The following DNAH14 variants were observed in gnomAD, a reference collection of about 807,000 sequenced individuals.
DNAH14 encodes dynein axonemal heavy chain 14, also known as axonemal beta dynein heavy chain 14.
A neutral mutation model predicts 520.9 loss-of-function variants in DNAH14; 478 were observed. The ratio of observed to expected loss-of-function variants is 0.92; its 90% CI spans 0.85 to 0.99. The LOEUF (loss-of-function observed/expected upper bound fraction) is 0.99, where lower values mean the gene tolerates loss of function less well. DNAH14 is among the 50% of genes least tolerant of loss of function. DNAH14 has a pLI of 0.00. For synonymous variants in DNAH14, 1,581 were observed against 1,757.2 expected (o/e 0.90, Z 2.51); for missense variants, 4,831 against 5,234.5 (o/e 0.92, Z 2.38).
At chr1:224,940,828 T>G (rs1015217049) in intron 1 of DNAH14, among the ~76,000 whole-genome samples, 1 of 152,186 alleles carries the variant, frequency 6.6e-6, no homozygotes, top group Admixed American at 6.5e-5. Context: ...TTCATCTATG[T>G]CCCTACAAAG....
At chr1:225,191,221 T>G (rs1477273578) in intron 37 of DNAH14, among the ~76,000 whole-genome samples, 3 of 152,026 alleles carry the variant, frequency 2.0e-5, no homozygotes, top group Non-Finnish European at 4.4e-5. Flanking sequence ...CATTTATCCC[T>G]TTATTCATAC....
At chr1:225,097,332 C>T in intron 22 of DNAH14, 93 bp downstream of exon 22, 2 of 1,235,390 alleles carry the variant, frequency 1.6e-6, no homozygotes, top group Non-Finnish European at 2.2e-6. Context: ...CTTCAATGAA[C>T]AAACTATCTT....
At chr1:225,290,119 G>T (rs1424169259) in intron 55 of DNAH14, 37 bp downstream of exon 55, 1 of 1,322,812 alleles carries the variant, frequency 7.6e-7, no homozygotes. Flanking sequence ...GCTGAAGTTT[G>T]ATATCTATGT....
chr1:225,181,747 CA>C (rs1318123617), intron 36 of DNAH14, among the ~76,000 whole-genome samples: 1 of 152,104 alleles, frequency 6.6e-6, no homozygotes, highest in Non-Finnish European at 1.5e-5. Flanking sequence ...GGACCTTTGT[CA>C]GATGCATGGT....
intron 17 of DNAH14, among the ~76,000 whole-genome samples, chr1:225,063,382 CT>C (rs1421814790): frequency 6.6e-6 from 1 of 152,016 alleles, no homozygotes; most frequent in Non-Finnish European, 1.5e-5. Flanking sequence ...TAGGTTTTTA[CT>C]TGTATTATTT....
intron 38 of DNAH14, among the ~76,000 whole-genome samples, chr1:225,196,051 C>T (rs930549060): frequency 4.0e-5 from 6 of 151,654 alleles, no homozygotes; most frequent in African/African-American, 9.7e-5. Context: ...TATTGGGGAA[C>T]GGGTGGTATT....
chr1:225,225,303 T>G (rs1001027039), intron 41 of DNAH14, among the ~76,000 whole-genome samples: 1 of 152,214 alleles, frequency 6.6e-6, no homozygotes, highest in Admixed American at 6.5e-5. Context: ...TATGTACATG[T>G]ATTCATTGAT....
At chr1:225,017,473 C>G (rs1433145262) in intron 10 of DNAH14, among the ~76,000 whole-genome samples, 1 of 152,228 alleles carries the variant, frequency 6.6e-6, no homozygotes, top group Non-Finnish European at 1.5e-5. Flanking sequence ...CTTTTGCTGG[C>G]AGCCCCCTGC....
chr1:225,298,216 A>G (rs533622884), intron 55 of DNAH14, among the ~76,000 whole-genome samples: 37 of 151,602 alleles, frequency 2.4e-4, no homozygotes, highest in African/African-American at 8.7e-4. Flanking sequence ...GTGACCTGTA[A>G]GGCTCTTTCT....
intron 36 of DNAH14, among the ~76,000 whole-genome samples, chr1:225,181,339 T>C (rs2083971437): frequency 6.6e-6 from 1 of 152,214 alleles, no homozygotes. Context: ...TTTGGGTACA[T>C]ACCCTGTAAT....
At chr1:225,000,647 G>C (rs2063699965) in intron 8 of DNAH14, among the ~76,000 whole-genome samples, 1 of 150,868 alleles carries the variant, frequency 6.6e-6, no homozygotes, top group Non-Finnish European at 1.5e-5. Flanking sequence ...CATGATCTCA[G>C]CTCACTGCAG....
chr1:225,388,427 CTCATCCAGCG>C lies in DNAH14; in HGVS notation c.13127_13136del (p.Leu4376HisfsTer2). 1 of 1,535,014 alleles carries C rather than the reference CTCATCCAGCG, an allele frequency of 6.5e-7. No homozygotes were observed. ...GCCACTGAGTTCCTGGATTGATGAT[CTCATCCAGCG>C]ACTGAATTTCTTCAATACTTGGGCC... On this transcript the variant is annotated frameshift_variant, in exon 82 of 86. Transcript: ENST00000682510. LOFTEE classifies it high-confidence loss of function.
At chr1:225,388,725 TCTTTC>T (rs2150818457) in intron 82 of DNAH14, among the ~76,000 whole-genome samples, 1 of 152,312 alleles carries the variant, frequency 6.6e-6, no homozygotes, top group African/African-American at 2.4e-5. Flanking sequence ...AGTACATTTC[TCTTTC>T]CTAAGAAATG....
rs535881596 is a variant in DNAH14 at position 225,044,267 on chromosome 1, T to G, written c.1912+284T>G. Among the ~76,000 whole-genome samples, 12 of 152,288 alleles carry G rather than the reference T, an allele frequency of 7.9e-5. 1 individual carries two copies. The South Asian group carries it at 2.3e-3, about 29-fold the overall frequency. ...AGAATGTTATGACACTTAATACAAA[T>G]GAGCAAGATCTTTTATGTCATAGTA... is the stretch of plus-strand genomic sequence containing the variant. On this transcript the variant is annotated intron_variant, in intron 15 of 85. Transcript: ENST00000682510.
At chr1:225,078,104 A>G (rs1197343894) in intron 17 of DNAH14, among the ~76,000 whole-genome samples, 2 of 152,204 alleles carry the variant, frequency 1.3e-5, no homozygotes, top group Non-Finnish European at 2.9e-5. Flanking sequence ...CAAGCATTTT[A>G]TGGAGTAATT....
At chr1:224,997,521 G>A (rs1161839635) in intron 8 of DNAH14, among the ~76,000 whole-genome samples, 1 of 151,774 alleles carries the variant, frequency 6.6e-6, no homozygotes, top group African/African-American at 2.4e-5. Flanking sequence ...TCCAAGTTTT[G>A]GGAACACAAG....
intron 10 of DNAH14, among the ~76,000 whole-genome samples, chr1:225,014,278 G>A (rs2065038442): frequency 6.6e-6 from 1 of 152,140 alleles, no homozygotes; most frequent in Admixed American, 6.5e-5. Context: ...CCCTCTTTGG[G>A]CTGCACCCAC....
Position 225,317,896 on chromosome 1 carries a change from C to T in DNAH14, c.9241-687C>T, listed in dbSNP as rs149020925. Among the ~76,000 whole-genome samples, 245 of 152,220 alleles carry T rather than the reference C, an allele frequency of 1.6e-3. 2 individuals are homozygous for T. Among genetic ancestry groups the T allele is most frequent in the Admixed American group, 0.012 (180 of 15,290 alleles). On this transcript the variant is annotated intron_variant, in intron 60 of 85. Transcript: ENST00000682510. Reference sequence around the variant, plus strand: ...ACCTCTGGGCTTAATGTCACCCCACCGGGAAAGTTAGACCAGCAGAAAACA... The same window carrying T: ...ACCTCTGGGCTTAATGTCACCCCACTGGGAAAGTTAGACCAGCAGAAAACA...
intron 42 of DNAH14, among the ~76,000 whole-genome samples, chr1:225,237,325 C>T (rs1251628126): frequency 2.6e-5 from 4 of 152,012 alleles, no homozygotes; most frequent in Admixed American, 1.3e-4. Flanking sequence ...TGATGAATAA[C>T]CTCAGCATTT....
Sources: gnomAD v4.1 joint callset for allele counts (sites outside exome capture counted in the v4.1 genomes callset) on GRCh38, gnomAD v4.1.1 for gene constraint, MANE v1.5 for transcripts, NCBI Gene and HGNC (gene_info 2026-07-23, HGNC 2026-07-21) for gene names.